RGS22: variants seen among roughly 807,000 people sequenced by gnomAD.
RGS22 encodes regulator of G-protein signaling 22.
In RGS22, 148 loss-of-function variants were observed where a neutral mutation model predicts 172.9. The ratio of observed to expected loss-of-function variants is 0.86; its 90% CI spans 0.75 to 0.98. The LOEUF (loss-of-function observed/expected upper bound fraction) is 0.98, where lower values mean the gene tolerates loss of function less well. Ranked by LOEUF, RGS22 falls within the 50% of genes least tolerant of loss-of-function variation. The probability of loss-of-function intolerance (pLI) is 0.00; values close to 1 mark genes in which losing one functional copy is unlikely to be tolerated. For missense variants in RGS22, 1,347 were observed against 1,440.8 expected (o/e 0.93, Z 1.05); for synonymous variants, 458 against 480.2 (o/e 0.95, Z 0.60).
chr8:100,084,825 C>T (rs2131936778), intron 3 of RGS22, among the ~76,000 whole-genome samples: 1 of 152,286 alleles, frequency 6.6e-6, no homozygotes, highest in South Asian at 2.1e-4. Context: ...ATTATTTCTG[C>T]CCTTGAAGGA....
At chr8:99,974,806 AAAATGGATAT>A (rs1250834273) in intron 23 of RGS22, among the ~76,000 whole-genome samples, 3 of 151,840 alleles carry the variant, frequency 2.0e-5, no homozygotes, top group African/African-American at 7.3e-5. Context: ...AAAAAAAAAA[AAAATGGATAT>A]AATTATGTAA....
At chr8:100,015,223 T>C (rs938422010) in intron 14 of RGS22, among the ~76,000 whole-genome samples, 1 of 152,194 alleles carries the variant, frequency 6.6e-6, no homozygotes, top group South Asian at 2.1e-4. Flanking sequence ...CTCAATAATA[T>C]AGCAAATTAT....
chr8:100,041,097 T>C (rs935764325), intron 12 of RGS22, among the ~76,000 whole-genome samples: 4 of 152,214 alleles, frequency 2.6e-5, no homozygotes, highest in African/African-American at 9.6e-5. Context: ...CTACCTAAAG[T>C]ATAATCCTTA....
chr8:99,973,996 A>T (rs142819781), intron 23 of RGS22, among the ~76,000 whole-genome samples: 1 of 152,190 alleles, frequency 6.6e-6, no homozygotes, highest in African/African-American at 2.4e-5. Flanking sequence ...TAGAAATTAA[A>T]GTATAATAAA....
At chr8:99,977,705 G>A (rs985548586) in intron 23 of RGS22, among the ~76,000 whole-genome samples, 1 of 152,138 alleles carries the variant, frequency 6.6e-6, no homozygotes, top group African/African-American at 2.4e-5. Context: ...GCCACAGAGA[G>A]TCAAGGAAGT....
At chr8:100,035,766 T>C (rs1819383693) in intron 14 of RGS22, among the ~76,000 whole-genome samples, 1 of 152,188 alleles carries the variant, frequency 6.6e-6, no homozygotes, top group Admixed American at 6.5e-5. Context: ...CACCATGGAA[T>C]ACTATGCAGC....
At chr8:99,966,770 T>C (rs2131094892) in intron 23 of RGS22, among the ~76,000 whole-genome samples, 1 of 152,348 alleles carries the variant, frequency 6.6e-6, no homozygotes, top group Middle Eastern at 3.4e-3. Flanking sequence ...AACACAAACA[T>C]GTAGTCCATA....
intron 9 of RGS22, among the ~76,000 whole-genome samples, chr8:100,058,616 A>G (rs1372046979): frequency 6.6e-6 from 1 of 152,186 alleles, no homozygotes; most frequent in Non-Finnish European, 1.5e-5. Context: ...CTGAAGGAAA[A>G]AACTTTTACC....
At chr8:100,030,292 A>T (rs1300669099) in intron 14 of RGS22, among the ~76,000 whole-genome samples, 1 of 152,214 alleles carries the variant, frequency 6.6e-6, no homozygotes, top group Non-Finnish European at 1.5e-5. Context: ...ATAGTACAAA[A>T]TACTTGATAG....
At chr8:99,989,861 CAGATAGAT>C (rs58327517) in intron 20 of RGS22, among the ~76,000 whole-genome samples, 2,199 of 146,426 alleles carry the variant, frequency 0.015, 11 homozygotes, top group African/African-American at 0.016. Context: ...GATAGACAGA[CAGATAGAT>C]AGATAGATAG....
chr8:100,094,975 G>C (rs1413362107), intron 2 of RGS22, among the ~76,000 whole-genome samples: 1 of 152,154 alleles, frequency 6.6e-6, no homozygotes, highest in African/African-American at 2.4e-5. Flanking sequence ...ACAATCCCTT[G>C]TTAGTTTTTC....
chr8:100,034,355 C>G (rs1476612529), intron 14 of RGS22, among the ~76,000 whole-genome samples: 1 of 152,154 alleles, frequency 6.6e-6, no homozygotes, highest in African/African-American at 2.4e-5. Context: ...TGAGTGAATT[C>G]CCATTCACAA....
chr8:100,026,694 C>T (rs569634890), intron 14 of RGS22, among the ~76,000 whole-genome samples: 98 of 152,196 alleles, frequency 6.4e-4, no homozygotes, highest in African/African-American at 2.2e-3. Context: ...TTGGCTATAG[C>T]TGAAGATACT....
chr8:99,989,861 CAGATAGATAGAT>C lies in RGS22; in HGVS notation c.3019-2254_3019-2243del, dbSNP rs58327517. ...CTCTGTCTCTAGATAGATAGACAGA[CAGATAGATAGAT>C]AGATAGATAGATAGATAGATAGATA... On this transcript the variant is annotated intron_variant, in intron 20 of 27. Transcript: ENST00000360863. Among the ~76,000 whole-genome samples the C allele has an allele frequency of 6.5e-3, 954 of 146,436 alleles. 9 individuals carry two copies. Among genetic ancestry groups the C allele is most frequent in the African/African-American group, 0.022 (876 of 39,558 alleles).
chr8:99,975,144 TC>T (rs1811798779), intron 23 of RGS22, among the ~76,000 whole-genome samples: 1 of 147,738 alleles, frequency 6.8e-6, no homozygotes. Flanking sequence ...AGACTCCATC[TC>T]AAAAAAAAAA....
intron 14 of RGS22, among the ~76,000 whole-genome samples, chr8:100,022,614 A>G (rs1462649119): frequency 6.6e-6 from 1 of 152,080 alleles, no homozygotes; most frequent in African/African-American, 2.4e-5. Flanking sequence ...AAATTTTTGG[A>G]TTTGTTTTTT....
intron 8 of RGS22, among the ~76,000 whole-genome samples, 162 bp downstream of exon 8, chr8:100,063,254 A>T (rs1427309996): frequency 1.3e-5 from 2 of 152,144 alleles, no homozygotes; most frequent in African/African-American, 4.8e-5. Context: ...TAGTGTGATC[A>T]ATATTTACTA....
intron 11 of RGS22, 47 bp from the exon 12 acceptor site, chr8:100,041,963 T>A: frequency 8.0e-7 from 1 of 1,246,520 alleles, no homozygotes; most frequent in Non-Finnish European, 1.2e-6. Context: ...GAGAACTAAC[T>A]GATCAACAAA....
intron 14 of RGS22, among the ~76,000 whole-genome samples, chr8:100,008,938 T>G (rs1816052024): frequency 6.6e-6 from 1 of 152,182 alleles, no homozygotes; most frequent in African/African-American, 2.4e-5. Flanking sequence ...TACTTTTTTT[T>G]GGAAACAAGT....
Sources: gnomAD v4.1 joint callset for allele counts (sites outside exome capture counted in the v4.1 genomes callset) on GRCh38, gnomAD v4.1.1 for gene constraint, MANE v1.5 for transcripts, NCBI Gene and HGNC (gene_info 2026-07-23, HGNC 2026-07-21) for gene names.